The following CPQ variants were observed in gnomAD, a reference collection of about 807,000 sequenced individuals.
The protein encoded by CPQ is Ser-Met dipeptidase.
In CPQ, 37 loss-of-function variants were observed where a neutral mutation model predicts 45.7. The ratio of observed to expected loss-of-function variants is 0.81; its 90% confidence interval spans 0.62 to 1.07. The LOEUF (loss-of-function observed/expected upper bound fraction) is 1.07, where lower values mean the gene tolerates loss of function less well. Among genes scored for constraint, CPQ ranks in the 50% least tolerant of loss-of-function variants. CPQ has a pLI of 0.00. For missense variants in CPQ, 537 were observed against 572.9 expected (o/e 0.94, Z 0.64); for synonymous variants, 186 against 205.8 (o/e 0.90, Z 0.82).
At chr8:97,064,594 C>G (rs1042747507) in intron 6 of CPQ, among the ~76,000 whole-genome samples, 1 of 152,098 alleles carries the variant, frequency 6.6e-6, no homozygotes, top group African/African-American at 2.4e-5. Context: ...TTAACAATAA[C>G]AAAAAATATT....
At chr8:96,807,864 C>T (rs1811105355) in intron 2 of CPQ, among the ~76,000 whole-genome samples, 1 of 152,152 alleles carries the variant, frequency 6.6e-6, no homozygotes, top group Non-Finnish European at 1.5e-5. Flanking sequence ...TACTGTATAT[C>T]TGTATTTACA....
At chr8:96,979,005 A>G (rs1277604685) in intron 5 of CPQ, among the ~76,000 whole-genome samples, 1 of 151,948 alleles carries the variant, frequency 6.6e-6, no homozygotes, top group Non-Finnish European at 1.5e-5. Context: ...ATGGCTTCAC[A>G]TGGATAGAGG....
chr8:96,712,750 A>G (rs543142587), intron 1 of CPQ, among the ~76,000 whole-genome samples: 1 of 152,228 alleles, frequency 6.6e-6, no homozygotes, highest in South Asian at 2.1e-4. Context: ...TGGGCTTGTA[A>G]TAGTAGGGGC....
At chr8:96,776,496 G>A (rs942227876) in intron 1 of CPQ, among the ~76,000 whole-genome samples, 2 of 152,142 alleles carry the variant, frequency 1.3e-5, no homozygotes, top group Non-Finnish European at 2.9e-5. Flanking sequence ...TCTTTCCACT[G>A]TGTTCTTTTC....
intron 1 of CPQ, among the ~76,000 whole-genome samples, chr8:96,686,597 C>A (rs114484438): frequency 0.021 from 3,150 of 151,940 alleles, 123 homozygotes; most frequent in African/African-American, 0.072. Flanking sequence ...ATTCTATTTG[C>A]AAATACTCAC....
At chr8:96,770,591 G>C (rs1810527238) in intron 1 of CPQ, among the ~76,000 whole-genome samples, 1 of 151,726 alleles carries the variant, frequency 6.6e-6, no homozygotes, top group Non-Finnish European at 1.5e-5. Flanking sequence ...GGAGAGGTGA[G>C]CCTGGAATTG....
intron 2 of CPQ, among the ~76,000 whole-genome samples, chr8:96,834,304 T>A: frequency 6.6e-6 from 1 of 152,228 alleles, no homozygotes; most frequent in Non-Finnish European, 1.5e-5. Flanking sequence ...TCTTCAAAGT[T>A]TTTATTTGAA....
At chr8:96,868,821 TTAACA>T (rs1340317948) in intron 3 of CPQ, among the ~76,000 whole-genome samples, 2 of 151,976 alleles carry the variant, frequency 1.3e-5, no homozygotes, top group Non-Finnish European at 2.9e-5. Flanking sequence ...CACTTCATAA[TTAACA>T]TTTTAATGGC....
rs1040594301 is a variant in CPQ at position 96,977,350 on chromosome 8, C to A, written c.961+11304C>A. ...AAAAAAAAAAAAAAATAGATGTTGG[C>A]AGGGATGCAGTAAAAAGGGAACACT... On this transcript the variant is annotated intron_variant, in intron 5 of 7. Coordinates refer to ENST00000220763, the MANE Select transcript of CPQ (RefSeq NM_016134.4). Among the ~76,000 whole-genome samples the A allele has an allele frequency of 4.7e-4, 71 of 150,514 alleles. 1 individual carries two copies. Among genetic ancestry groups the A allele is most frequent in the Admixed American group, 3.3e-4 (5 of 15,122 alleles).
At chr8:97,122,649 G>C (rs1811725605) in intron 7 of CPQ, among the ~76,000 whole-genome samples, 1 of 151,868 alleles carries the variant, frequency 6.6e-6, no homozygotes, top group South Asian at 2.1e-4. Context: ...ACTTTGGGAG[G>C]CCAAGGCACG....
At chr8:96,806,863 CA>C (rs757785449) in intron 2 of CPQ, among the ~76,000 whole-genome samples, 46 of 151,990 alleles carry the variant, frequency 3.0e-4, no homozygotes, top group Non-Finnish European at 6.0e-4. Flanking sequence ...AAAATGACAG[CA>C]AAAACAAATA....
chr8:97,036,235 G>T (rs990343437), intron 6 of CPQ, among the ~76,000 whole-genome samples: 4 of 152,104 alleles, frequency 2.6e-5, no homozygotes, highest in Non-Finnish European at 5.9e-5. Flanking sequence ...AGCCCAAAGG[G>T]GAGGACGATT....
At chr8:97,078,543 C>T (rs1314819221) in intron 7 of CPQ, among the ~76,000 whole-genome samples, 1 of 152,134 alleles carries the variant, frequency 6.6e-6, no homozygotes, top group African/African-American at 2.4e-5. Context: ...TGCCTACAAT[C>T]CTGGCTCTCA....
intron 1 of CPQ, chr8:96,761,327 T>C (rs1810402930): frequency 6.6e-6 from 1 of 152,206 alleles, no homozygotes; most frequent in Non-Finnish European, 1.5e-5. Flanking sequence ...GAAGCTGTCT[T>C]GTAGATGTGA....
chr8:96,980,969 A>T (rs1813884401), intron 5 of CPQ, among the ~76,000 whole-genome samples: 1 of 152,186 alleles, frequency 6.6e-6, no homozygotes. Context: ...AACCTAAATA[A>T]CAGTGTGTAG....
chr8:97,054,043 C>A (rs12543489), intron 6 of CPQ, among the ~76,000 whole-genome samples: 20,613 of 151,894 alleles, frequency 0.14, 3,383 homozygotes, highest in African/African-American at 0.39. Flanking sequence ...GGGTTTGAAC[C>A]TGTTAAGTTT....
intron 2 of CPQ, among the ~76,000 whole-genome samples, chr8:96,833,142 A>G (rs1423118780): frequency 6.6e-6 from 1 of 152,148 alleles, no homozygotes; most frequent in Non-Finnish European, 1.5e-5. Flanking sequence ...ATCAGAGATG[A>G]CTGTGAGTTT....
intron 6 of CPQ, among the ~76,000 whole-genome samples, chr8:97,045,872 T>C (rs1586512869): frequency 1.3e-5 from 2 of 152,184 alleles, no homozygotes; most frequent in Non-Finnish European, 2.9e-5. Context: ...ATAAAGCCAA[T>C]GCCAGAAAGC....
At chr8:96,808,246 T>A (rs1411839879) in intron 2 of CPQ, among the ~76,000 whole-genome samples, 1 of 152,204 alleles carries the variant, frequency 6.6e-6, no homozygotes, top group Non-Finnish European at 1.5e-5. Flanking sequence ...TTAAAATACC[T>A]AAATTTTTTT....
Sources: allele counts gnomAD v4.1 joint callset (sites outside exome capture counted in the v4.1 genomes callset), GRCh38; gene constraint gnomAD v4.1.1; transcripts MANE v1.5; gene names NCBI Gene and HGNC (gene_info 2026-07-23, HGNC 2026-07-21).